The following PRIM2 variants were observed in gnomAD, a reference collection of about 807,000 sequenced individuals.
The protein encoded by PRIM2 is DNA primase large subunit.
In PRIM2, 39 loss-of-function variants were observed where a neutral mutation model predicts 67.3. The ratio of observed to expected loss-of-function variants is 0.58; its 90% confidence interval spans 0.45 to 0.76. The LOEUF is 0.76. Ranked by LOEUF, PRIM2 falls within the 30% of genes least tolerant of loss-of-function variation. The pLI is 0.00. For synonymous variants in PRIM2, 143 were observed against 198.7 expected (o/e 0.72, Z 2.36); for missense variants, 398 against 598.7 (o/e 0.66, Z 3.50).
intron 7 of PRIM2, among the ~76,000 whole-genome samples, chr6:57,427,951 A>G (rs2127376979): frequency 6.6e-6 from 1 of 152,290 alleles, no homozygotes; most frequent in Admixed American, 6.5e-5. Flanking sequence ...GCTGTTTCAA[A>G]TTAATTTAAA....
intron 7 of PRIM2, among the ~76,000 whole-genome samples, chr6:57,483,206 A>T (rs1401006671): frequency 6.6e-6 from 1 of 151,964 alleles, no homozygotes; most frequent in Non-Finnish European, 1.5e-5. Context: ...CTGCGCCCGG[A>T]TGATTTTTTT....
chr6:57,586,579 C>T (rs1776191323), intron 10 of PRIM2, among the ~76,000 whole-genome samples: 1 of 152,154 alleles, frequency 6.6e-6, no homozygotes, highest in Non-Finnish European at 1.5e-5. Flanking sequence ...AGGTTTTTCT[C>T]ACAATGGGTA....
chr6:57,306,310 A>G, the PRIM2 span, among the ~76,000 whole-genome samples: 3 of 151,982 alleles, frequency 2.0e-5, no homozygotes, highest in Non-Finnish European at 1.5e-5. Flanking sequence ...GTGCATCCAA[A>G]TGCTTCCCAC....
Position 57,552,308 on chromosome 6 carries a change from G to T in PRIM2, c.1020+14683G>T, listed in dbSNP as rs1252521307. Among the ~76,000 whole-genome samples the T allele has an allele frequency of 9.9e-5, 15 of 152,200 alleles. No homozygotes were observed. The South Asian group carries it at 1.5e-3, about 15-fold the overall frequency. ...AGGTGGTTTCAGACCCTTCATTTTGGAGGGGCTGTCATTTAAAACAAGGTA... is the reference window on the plus strand; with the variant it reads ...AGGTGGTTTCAGACCCTTCATTTTGTAGGGGCTGTCATTTAAAACAAGGTA... On this transcript the variant is annotated intron_variant, in intron 10 of 13. Coordinates refer to ENST00000615550, the MANE Select transcript of PRIM2 (RefSeq NM_000947.5).
At chr6:57,425,536 T>C (rs1166376045) in intron 7 of PRIM2, among the ~76,000 whole-genome samples, 4 of 152,304 alleles carry the variant, frequency 2.6e-5, no homozygotes, top group Admixed American at 6.5e-5. Context: ...TTTAAATTAT[T>C]CATAGTATGG....
At chr6:57,475,050 A>G (rs2127403344) in intron 7 of PRIM2, among the ~76,000 whole-genome samples, 1 of 152,294 alleles carries the variant, frequency 6.6e-6, no homozygotes, top group Admixed American at 6.5e-5. Context: ...TGAGGAATGC[A>G]GGCATGCTTT....
At chr6:57,399,761 T>A (rs1224880345) in intron 7 of PRIM2, among the ~76,000 whole-genome samples, 3 of 151,482 alleles carry the variant, frequency 2.0e-5, no homozygotes, top group Non-Finnish European at 4.4e-5. Flanking sequence ...TATCTCATTG[T>A]GGTTTTGATT....
chr6:57,372,534 T>A (rs1237211209), intron 5 of PRIM2, among the ~76,000 whole-genome samples: 1 of 152,210 alleles, frequency 6.6e-6, no homozygotes, highest in African/African-American at 2.4e-5. Context: ...CATCCTCTGC[T>A]GTATTTCAAC....
chr6:57,254,231 C>G, the PRIM2 span, among the ~76,000 whole-genome samples: 4,058 of 152,270 alleles, frequency 0.027, 174 homozygotes, highest in African/African-American at 0.091. Flanking sequence ...TTAAAATGCT[C>G]AACTTCCTTT....
chr6:57,610,712 A>G (rs1484375046), intron 12 of PRIM2, among the ~76,000 whole-genome samples: 2 of 152,164 alleles, frequency 1.3e-5, no homozygotes, highest in Non-Finnish European at 2.9e-5. Context: ...AAAATACATG[A>G]ATTAATAATA....
the PRIM2 span, among the ~76,000 whole-genome samples, chr6:57,234,065 G>A: frequency 1.3e-5 from 2 of 152,126 alleles, no homozygotes; most frequent in African/African-American, 4.8e-5. Context: ...TATGTGATAA[G>A]TAATTCTCAA....
the PRIM2 span, among the ~76,000 whole-genome samples, chr6:57,240,089 C>CTGTTT: frequency 1.1e-5 from 1 of 92,074 alleles, no homozygotes; most frequent in Non-Finnish European, 1.9e-5. Flanking sequence ...GATCAATAAT[C>CTGTTT]TGTTTTTTTT....
chr6:57,472,360 GC>G (rs1457655223), intron 7 of PRIM2, among the ~76,000 whole-genome samples: 30 of 151,256 alleles, frequency 2.0e-4, no homozygotes, highest in African/African-American at 7.1e-4. Context: ...AACCCGGTAG[GC>G]GGAAGTTGCA....
chr6:57,380,223 A>G (rs1307204274), intron 6 of PRIM2, among the ~76,000 whole-genome samples: 1 of 152,018 alleles, frequency 6.6e-6, no homozygotes, highest in Non-Finnish European at 1.5e-5. Flanking sequence ...CTCCCATTAC[A>G]GGCTGTTTTC....
chr6:57,328,292 T>C (rs1442428224), intron 5 of PRIM2, among the ~76,000 whole-genome samples: 2 of 152,224 alleles, frequency 1.3e-5, no homozygotes, highest in East Asian at 3.9e-4. Context: ...AACACTACTA[T>C]GTAATTTTAG....
At position 57,460,616 on chromosome 6, in the gene PRIM2, TAA is replaced by T. The variant is rs10667805; in HGVS notation, c.694-46756_694-46755del. Among the ~76,000 whole-genome samples the T allele has an allele frequency of 5.7e-4, 74 of 129,320 alleles. 1 individual carries two copies. Among genetic ancestry groups the T allele is most frequent in the Admixed American group, 1.1e-3 (14 of 12,592 alleles). The allele number at this position is 129,320 out of a possible 152,430, so 84.8% of individuals were successfully genotyped here. A position where few individuals can be genotyped will look rare whatever the true frequency, so the allele number is the denominator to read the frequency against. On this transcript the variant is annotated intron_variant, in intron 7 of 13. Transcript: ENST00000615550. ...CTGTCTTATGGCTGTCATCCTGATT[TAA>T]AAAAAAAAAAAAAAGCTTTTCAATT...
chr6:57,481,973 T>C (rs1773640645), intron 7 of PRIM2, among the ~76,000 whole-genome samples: 2 of 152,188 alleles, frequency 1.3e-5, no homozygotes, highest in South Asian at 4.1e-4. Context: ...TTAGAAGCTG[T>C]TGAACTAGTC....
At chr6:57,509,629 A>G (rs1407587598) in intron 8 of PRIM2, among the ~76,000 whole-genome samples, 1 of 151,798 alleles carries the variant, frequency 6.6e-6, no homozygotes, top group Admixed American at 6.6e-5. Context: ...GTCTCTTTGG[A>G]CTCCTGTTTT....
At chr6:57,574,166 A>C (rs1259561602) in intron 10 of PRIM2, among the ~76,000 whole-genome samples, 1 of 152,204 alleles carries the variant, frequency 6.6e-6, no homozygotes, top group Non-Finnish European at 1.5e-5. Context: ...TTGCATAAAT[A>C]AGGTGCCAAT....
Sources: gnomAD v4.1 joint callset for allele counts (sites outside exome capture counted in the v4.1 genomes callset) on GRCh38, gnomAD v4.1.1 for gene constraint, MANE v1.5 for transcripts, NCBI Gene and HGNC (gene_info 2026-07-23, HGNC 2026-07-21) for gene names.